Variants in OR5H15 observed in about 807,000 individuals in gnomAD.
OR5H15 encodes olfactory receptor 5H15.
For missense variants in OR5H15, 405 were observed against 366.1 expected (o/e 1.11, Z -0.87); for synonymous variants, 153 against 129.1 (o/e 1.19, Z -1.26).
intron 1 of OR5H15, 91 bp from the exon 2 acceptor site, chr3:98,168,591 C>A (rs756519476): frequency 2.8e-6 from 4 of 1,408,308 alleles, no homozygotes; most frequent in South Asian, 2.7e-5. Flanking sequence ...GGGTTCTGAT[C>A]ATTTTAGGGT....
At chr3:98,168,167 G>A (rs913339522) in intron 1 of OR5H15, among the ~76,000 whole-genome samples, 1 of 151,974 alleles carries the variant, frequency 6.6e-6, no homozygotes, top group African/African-American at 2.4e-5. Context: ...TTACTAAGAA[G>A]TTTCTAATTA....
Position 98,169,468 on chromosome 3 carries a change from T to C in OR5H15, c.769T>C (p.Leu257=). Residue 257 remains leucine (L), a synonymous_variant, in exon 2 of 2, where the codon TTA becomes CTA. Coordinates refer to ENST00000641450, the MANE Select transcript of OR5H15 (RefSeq NM_001005515.2). ...SVCLYYGPLL[L]MYVGPASPQA... The stretch of plus-strand genomic sequence containing the variant: ...CTGTTTATACTATGGCCCCCTTCTC[T>C]TAATGTATGTGGGCCCTGCATCTCC... 1.2e-6 allele frequency: 2 copies of C among 1,613,042 alleles called. No homozygotes were observed. Among genetic ancestry groups the C allele is most frequent in the Non-Finnish European group, 1.7e-6 (2 of 1,179,720 alleles).
rs756015647 is a variant in OR5H15, at chr3:98,169,599, A to G, written c.900A>G (p.Ser300=). Residue 300 remains serine (S), a synonymous_variant, in exon 2 of 2, where the codon TCA becomes TCG. Coordinates refer to ENST00000641450, the MANE Select transcript of OR5H15 (RefSeq NM_001005515.2). ...TGAGAAATAAGCAAGTCATAGTTTC[A>G]TTCATAAAAATGTTAAAAAGAAATG... ...YSLRNKQVIV[S]FIKMLKRNVK... is the part of the protein sequence containing the mutation. 5.6e-6 allele frequency: 9 copies of G among 1,603,532 alleles called. No individual in the cohort carries two copies. Among genetic ancestry groups the G allele is most frequent in the Middle Eastern group, 1.7e-4 (1 of 6,042 alleles).
intron 1 of OR5H15, among the ~76,000 whole-genome samples, chr3:98,167,494 T>A (rs1019361796): frequency 2.6e-5 from 4 of 151,930 alleles, no homozygotes; most frequent in African/African-American, 9.7e-5. Flanking sequence ...GAGTTTCTAG[T>A]TCTTTTGGCT....
At chr3:98,167,491 T>C (rs1708736781) in intron 1 of OR5H15, among the ~76,000 whole-genome samples, 1 of 151,920 alleles carries the variant, frequency 6.6e-6, no homozygotes, top group South Asian at 2.1e-4. Context: ...AATGAGTTTC[T>C]AGTTCTTTTG....
chr3:98,169,299 T>C lies in OR5H15; in HGVS notation c.600T>C (p.Phe200=). The C allele has an allele frequency of 3.7e-6, 6 of 1,611,208 alleles. No homozygotes were observed. Among genetic ancestry groups the C allele is most frequent in the Non-Finnish European group, 5.1e-6 (6 of 1,178,230 alleles). ...TDSSINFLMV[F]IFSGSIQVFS... ...CTTCTATTAATTTTCTAATGGTTTT[T>C]ATTTTCTCAGGTTCAATTCAGGTAT... Residue 200 remains phenylalanine, a synonymous_variant, in exon 2 of 2, where the codon TTT becomes TTC. Coordinates refer to ENST00000641450, the MANE Select transcript of OR5H15 (RefSeq NM_001005515.2).
In OR5H15 at chr3:98,169,609, A is replaced by C. The variant is rs199773996; in HGVS notation, c.910A>C (p.Met304Leu). Residue 304 changes from methionine (M) to leucine (L), a missense_variant, in exon 2 of 2, where the codon ATG (methionine) becomes CTG (leucine). Physicochemically the swap from Met to Leu is conservative, Grantham distance 15. Transcript: ENST00000641450. Reference protein sequence around the residue: ...NKQVIVSFIKMLKRNVKVSY With the variant: ...NKQVIVSFIKLLKRNVKVSY ...GCAAGTCATAGTTTCATTCATAAAA[A>C]TGTTAAAAAGAAATGTTAAGGTTTC... 5 of 1,601,678 alleles carry C rather than the reference A, an allele frequency of 3.1e-6. No individual in the cohort carries two copies. In the East Asian group the frequency reaches 1.1e-4, roughly 36 times the overall value.
intron 1 of OR5H15, among the ~76,000 whole-genome samples, chr3:98,168,043 C>T (rs1576113862): frequency 6.6e-6 from 1 of 152,002 alleles, no homozygotes; most frequent in Non-Finnish European, 1.5e-5. Flanking sequence ...AAATGCAGAT[C>T]CCTAGACCTC....
rs370436988 is a variant in OR5H15 at position 98,168,933 on chromosome 3, C to T, written c.234C>T (p.Thr78=). The part of the protein sequence containing the change: ...FVDAWISSTV[T]PKMLNNFLAK... ...ATGCTTGGATATCATCCACAGTGAC[C>T]CCAAAGATGCTGAATAACTTCTTAG... The change falls in exon 2 of 2, where the codon ACC becomes ACT. Residue 78 remains threonine (T), a synonymous_variant. Coordinates refer to ENST00000641450, the MANE Select transcript of OR5H15 (RefSeq NM_001005515.2). 255 of 1,613,200 alleles carry T rather than the reference C, an allele frequency of 1.6e-4. No homozygotes were observed. Among genetic ancestry groups the T allele is most frequent in the East Asian group, 1.8e-4 (8 of 44,848 alleles).
chr3:98,168,545 A>G, intron 1 of OR5H15, 137 bp from the exon 2 acceptor site: 1 of 923,612 alleles, frequency 1.1e-6, no homozygotes, highest in East Asian at 2.6e-5. Flanking sequence ...TCAAATACAC[A>G]ATTCATCAGT....
Position 98,169,068 on chromosome 3 carries a change from T to G in OR5H15, c.369T>G (p.Tyr123Ter), listed in dbSNP as rs771810256. Residue 123 changes from tyrosine to a stop codon, truncating the protein, a stop_gained, in exon 2 of 2, where the codon TAT (tyrosine) becomes TAG (stop). Transcript: ENST00000641450. LOFTEE classifies it low-confidence loss of function (END_TRUNC). Reference protein sequence around the residue: ...FLLATMAYDRYVAICKPLLYP... With the variant: ...FLLATMAYDR ...TGGCAACAATGGCATATGATCGCTA[T>G]GTAGCCATATGCAAACCTTTACTTT... 33 of 1,613,652 alleles carry G rather than the reference T, an allele frequency of 2.0e-5. No individual in the cohort carries two copies. The highest frequency in any genetic ancestry group is 2.8e-5 in the Non-Finnish European group (33 of 1,179,664).
Position 98,169,699 on chromosome 3 carries a change from G to A in OR5H15, c.*58G>A, listed in dbSNP as rs1708781192. On this transcript the variant is annotated 3_prime_UTR_variant, in exon 2 of 2. Transcript: ENST00000641450. ...AATTACGCAAGTTAGAGGTACCTAT[G>A]TTGTTTCCAGTGTTCAAACATTTTT... The A allele has an allele frequency of 8.0e-7, 1 of 1,249,252 alleles. No individual in the cohort carries two copies. The allele number at this position is 1,249,252 out of a possible 1,614,324, so 77.4% of individuals were successfully genotyped here. A position where few individuals can be genotyped will look rare whatever the true frequency, so the allele number is the denominator to read the frequency against.
Position 98,169,571 on chromosome 3 carries a change from G to A in OR5H15, c.872G>A (p.Ser291Asn). Residue 291 changes from serine to asparagine, a missense_variant, in exon 2 of 2, where the codon AGT becomes AAT. By Grantham distance (46) the Ser-to-Asn change is conservative (BLOSUM62 1). Transcript: ENST00000641450. ...IIPLLNPIIY[S>N]LRNKQVIVSF... is the part of the protein sequence containing the mutation. ...CCTTTGTTAAATCCTATCATCTACA[G>A]TCTGAGAAATAAGCAAGTCATAGTT... 5.6e-6 allele frequency: 9 copies of A among 1,610,812 alleles called. No individual in the cohort carries two copies. Among genetic ancestry groups the A allele is most frequent in the Non-Finnish European group, 7.6e-6 (9 of 1,177,490 alleles).
At chr3:98,166,913 T>A (rs561582637) in intron 1 of OR5H15, 82 bp downstream of exon 1, 16 of 152,252 alleles carry the variant, frequency 1.1e-4, no homozygotes, top group African/African-American at 3.6e-4. Flanking sequence ...AAATTTTAGA[T>A]CGGGTATACA....
chr3:98,168,576 T>G lies in OR5H15; in HGVS notation c.-18-106T>G, dbSNP rs1435683534. ...TCAGTTGTAGGACTGATCAAAAAAT[T>G]GAGAGGGTTCTGATCATTTTAGGGT... On this transcript the variant is annotated intron_variant, in intron 1 of 1. Coordinates refer to ENST00000641450, the MANE Select transcript of OR5H15 (RefSeq NM_001005515.2). 5 of 1,265,190 alleles carry G rather than the reference T, an allele frequency of 4.0e-6. No homozygotes were observed. The African/African-American group carries it at 6.0e-5, about 15-fold the overall frequency. 78.4% of individuals were successfully genotyped at this position (1,265,190 alleles called of 1,614,324 possible). A position where few individuals can be genotyped will look rare whatever the true frequency, so the allele number is the denominator to read the frequency against.
rs965445256 is a variant in OR5H15 at position 98,169,689 on chromosome 3, A to G, written c.*48A>G. On this transcript the variant is annotated 3_prime_UTR_variant, in exon 2 of 2. Coordinates refer to ENST00000641450, the MANE Select transcript of OR5H15 (RefSeq NM_001005515.2). ...ATAGTCACAAAATTACGCAAGTTAG[A>G]GGTACCTATGTTGTTTCCAGTGTTC... is the stretch of plus-strand genomic sequence containing the variant. 14 of 1,358,262 alleles carry G rather than the reference A, an allele frequency of 1.0e-5. No homozygotes were observed. Among genetic ancestry groups the G allele is most frequent in the Middle Eastern group, 1.8e-4 (1 of 5,582 alleles). The allele number at this position is 1,358,262 out of a possible 1,614,324, so 84.1% of individuals were successfully genotyped here.
At chr3:98,167,277 C>A (rs1708732902) in intron 1 of OR5H15, among the ~76,000 whole-genome samples, 1 of 152,054 alleles carries the variant, frequency 6.6e-6, no homozygotes, top group Non-Finnish European at 1.5e-5. Flanking sequence ...TTTGACAGCT[C>A]ACACTGTAAG....
intron 1 of OR5H15, among the ~76,000 whole-genome samples, chr3:98,167,396 T>C (rs907286021): frequency 6.6e-6 from 1 of 150,674 alleles, no homozygotes; most frequent in Admixed American, 6.6e-5. Flanking sequence ...TCTCTCTCTC[T>C]CCATATTCCA....
At chr3:98,167,787 C>A (rs747832421) in intron 1 of OR5H15, among the ~76,000 whole-genome samples, 1 of 151,972 alleles carries the variant, frequency 6.6e-6, no homozygotes, top group Non-Finnish European at 1.5e-5. Flanking sequence ...CCAGATGATG[C>A]TCACTCCAAA....
Sources: gnomAD v4.1 joint callset for allele counts (sites outside exome capture counted in the v4.1 genomes callset) on GRCh38, gnomAD v4.1.1 for gene constraint, MANE v1.5 for transcripts, NCBI Gene and HGNC (gene_info 2026-07-23, HGNC 2026-07-21) for gene names.